The following VPS13B variants were observed in gnomAD, a reference collection of about 807,000 sequenced individuals.
VPS13B encodes the protein vacuolar protein sorting 13 homolog B.
A neutral mutation model predicts 426.4 loss-of-function variants in VPS13B; 285 were observed. The ratio of observed to expected loss-of-function variants is 0.67; its 90% confidence interval spans 0.61 to 0.74. VPS13B has a LOEUF of 0.74. Among genes scored for constraint, VPS13B ranks in the 30% least tolerant of loss-of-function variants. The pLI, the probability that VPS13B is intolerant of heterozygous loss-of-function variation, is 0.00. For synonymous variants in VPS13B, 1,676 were observed against 1,676.4 expected (o/e 1.00, Z 0.01); for missense variants, 4,537 against 4,782.6 (o/e 0.95, Z 1.51).
chr8:99,298,388 C>T (rs1339500605), intron 19 of VPS13B, among the ~76,000 whole-genome samples: 8 of 152,080 alleles, frequency 5.3e-5, no homozygotes, highest in Admixed American at 3.9e-4. Context: ...CTTAGGAAGG[C>T]TGAGGCAGGA....
chr8:99,102,034 A>G (rs1323921410), intron 4 of VPS13B, among the ~76,000 whole-genome samples: 1 of 151,784 alleles, frequency 6.6e-6, no homozygotes, highest in African/African-American at 2.4e-5. Flanking sequence ...TGTTATTTAT[A>G]TTTTTAACTA....
intron 16 of VPS13B, among the ~76,000 whole-genome samples, chr8:99,191,628 C>T (rs1028361542): frequency 5.3e-5 from 8 of 151,802 alleles, no homozygotes; most frequent in East Asian, 1.9e-4. Context: ...GTGATCCGCC[C>T]GCCTCGGCCT....
chr8:99,058,108 A>G (rs1843980850), intron 3 of VPS13B, among the ~76,000 whole-genome samples: 1 of 152,086 alleles, frequency 6.6e-6, no homozygotes, highest in Non-Finnish European at 1.5e-5. Flanking sequence ...ATACAAAATC[A>G]ACATTATTTT....
intron 36 of VPS13B, among the ~76,000 whole-genome samples, chr8:99,703,649 C>G (rs1362961557): frequency 2.0e-5 from 3 of 152,122 alleles, no homozygotes; most frequent in Non-Finnish European, 4.4e-5. Context: ...AAGCCTTTCC[C>G]TTACGTGTAT....
chr8:99,607,338 G>T (rs1357762015), intron 33 of VPS13B, among the ~76,000 whole-genome samples: 2 of 152,134 alleles, frequency 1.3e-5, no homozygotes, highest in South Asian at 4.1e-4. Flanking sequence ...ATGACCAATG[G>T]TAGTTTATCT....
intron 17 of VPS13B, among the ~76,000 whole-genome samples, chr8:99,218,937 C>T (rs1232653975): frequency 1.3e-5 from 2 of 152,078 alleles, no homozygotes; most frequent in East Asian, 1.9e-4. Context: ...CTATGTGATA[C>T]AGTGATGGAT....
At chr8:99,580,044 A>G (rs905264490) in intron 33 of VPS13B, among the ~76,000 whole-genome samples, 2 of 152,054 alleles carry the variant, frequency 1.3e-5, no homozygotes, top group African/African-American at 4.8e-5. Flanking sequence ...AAAAATAGGA[A>G]AATTAAACCT....
At chr8:99,761,390 T>C (rs1190375837) in intron 39 of VPS13B, among the ~76,000 whole-genome samples, 1 of 152,340 alleles carries the variant, frequency 6.6e-6, no homozygotes, top group East Asian at 1.9e-4. Context: ...CCTCCTTCCC[T>C]AAACCCCACT....
At chr8:99,216,750 A>G (rs1432009988) in intron 17 of VPS13B, among the ~76,000 whole-genome samples, 1 of 152,074 alleles carries the variant, frequency 6.6e-6, no homozygotes, top group Non-Finnish European at 1.5e-5. Context: ...AAAAGAATGT[A>G]AAGTATCTTA....
chr8:99,755,781 A>G (rs1053615638), intron 39 of VPS13B, among the ~76,000 whole-genome samples: 2 of 152,142 alleles, frequency 1.3e-5, no homozygotes, highest in African/African-American at 4.8e-5. Flanking sequence ...AAATAAATAA[A>G]TAAATAAATA....
chr8:99,439,954 T>C (rs1270014641), intron 22 of VPS13B, among the ~76,000 whole-genome samples: 1 of 152,130 alleles, frequency 6.6e-6, no homozygotes, highest in Non-Finnish European at 1.5e-5. Flanking sequence ...TGCATTGCAG[T>C]CATTTCATTT....
chr8:99,456,651 C>A (rs1818476637), intron 23 of VPS13B, among the ~76,000 whole-genome samples: 1 of 152,004 alleles, frequency 6.6e-6, no homozygotes, highest in African/African-American at 2.4e-5. Context: ...AAATGTATCC[C>A]ATTTGGTCAT....
chr8:99,539,404 C>T (rs184067290), intron 30 of VPS13B, among the ~76,000 whole-genome samples: 2 of 152,194 alleles, frequency 1.3e-5, no homozygotes, highest in Admixed American at 1.3e-4. Flanking sequence ...TTAATGTCCA[C>T]AAAATATGAA....
intron 17 of VPS13B, among the ~76,000 whole-genome samples, chr8:99,219,281 C>G (rs1462424201): frequency 6.6e-6 from 1 of 152,086 alleles, no homozygotes; most frequent in Non-Finnish European, 1.5e-5. Context: ...ATAGCTGGAG[C>G]TAAGATAAAA....
rs1221619138 is a variant in VPS13B at position 99,832,436 on chromosome 8, C to T, written c.9398C>T (p.Ser3133Phe). 2.6e-6 allele frequency: 4 copies of T among 1,567,000 alleles called. No homozygotes were observed. The highest frequency in any genetic ancestry group is 4.9e-5 in the East Asian group (2 of 41,176). Residue 3133 changes from serine (S) to phenylalanine (F), a missense_variant, in exon 52 of 62, where the codon TCC becomes TTC. Ser to Phe is a radical substitution (Grantham distance 155). This residue lies in a region of VPS13B where 4,311 missense variants were observed against 4,474.3 expected (regional missense o/e 0.96). Transcript: ENST00000357162. ...CPGGEQPAMK[S>F]SSLPCWDLMP... ...GGTGGAGAGCAGCCTGCTATGAAAT[C>T]CAGCTCCCTTCCTTGCTGGGACTTG...
chr8:99,431,674 AAGTT>A lies in VPS13B; in HGVS notation c.3210+13_3210+16del. The A allele has an allele frequency of 6.2e-7, 1 of 1,611,654 alleles. No individual in the cohort carries two copies. On this transcript the variant is annotated intron_variant, in intron 22 of 61. Coordinates refer to ENST00000357162, the MANE Select transcript of VPS13B (RefSeq NM_152564.5). ...GCATCTCACACTACAGGTAAAATAA[AAGTT>A]AGAAATATTATGGATATAATTTCTA...
In VPS13B at chr8:99,568,956, C is replaced by T. The variant is rs868295222; in HGVS notation, c.4950-6702C>T. The stretch of plus-strand genomic sequence containing the variant: ...CCTCCCGAGTAGCTGGGGCTACAGG[C>T]GCCCGCCACCACGCCCGGCTAATTT... On this transcript the variant is annotated intron_variant, in intron 31 of 61. Transcript: ENST00000357162. Among the ~76,000 whole-genome samples, 34 of 151,758 alleles carry T rather than the reference C, an allele frequency of 2.2e-4. 1 individual carries two copies. The highest frequency in any genetic ancestry group is 7.5e-4 in the African/African-American group (31 of 41,402).
intron 3 of VPS13B, among the ~76,000 whole-genome samples, chr8:99,073,969 C>T (rs941933757): frequency 6.6e-6 from 1 of 151,872 alleles, no homozygotes; most frequent in African/African-American, 2.4e-5. Context: ...TAGAGTCTCC[C>T]TATATTGCCC....
intron 17 of VPS13B, among the ~76,000 whole-genome samples, chr8:99,207,362 A>T (rs1470900657): frequency 6.6e-6 from 1 of 152,176 alleles, no homozygotes; most frequent in Non-Finnish European, 1.5e-5. Context: ...CACACTTAGA[A>T]TGTTAAGTTA....
Sources: gnomAD v4.1 joint callset for allele counts (sites outside exome capture counted in the v4.1 genomes callset) on GRCh38, gnomAD v4.1.1 for gene constraint, gnomAD v4.1.1 regional missense constraint, MANE v1.5 for transcripts, NCBI Gene and HGNC (gene_info 2026-07-23, HGNC 2026-07-21) for gene names.